FER1L6: variants seen among roughly 807,000 people sequenced by gnomAD.
The protein encoded by FER1L6 is fer-1 like family member 6.
A neutral mutation model predicts 219.2 loss-of-function variants in FER1L6; 177 were observed. That is an observed-to-expected ratio of 0.81 (90% CI 0.71 to 0.91). The LOEUF (loss-of-function observed/expected upper bound fraction) is 0.91. Ranked by LOEUF, FER1L6 falls within the 40% of genes least tolerant of loss-of-function variation. The pLI, the probability that FER1L6 is intolerant of heterozygous loss-of-function variation, is 0.00. For synonymous variants in FER1L6, 768 were observed against 824.3 expected, an observed-to-expected ratio of 0.93 and a Z score of 1.17; for missense variants, 2,153 against 2,259.9, an observed-to-expected ratio of 0.95 and a Z score of 0.96.
intron 1 of FER1L6, among the ~76,000 whole-genome samples, chr8:123,931,367 G>A (rs1007106): frequency 0.39 from 59,354 of 151,902 alleles, 12,223 homozygotes; most frequent in South Asian, 0.52. Flanking sequence ...ATCAAGGAGG[G>A]GTGTTTACTA....
At chr8:123,924,316 G>A (rs1311369189) in intron 1 of FER1L6, among the ~76,000 whole-genome samples, 2 of 151,794 alleles carry the variant, frequency 1.3e-5, no homozygotes, top group Non-Finnish European at 2.9e-5. Context: ...AGGCTGAGGT[G>A]GATCATCTGA....
intron 13 of FER1L6, 51 bp downstream of exon 13, chr8:124,003,398 T>G: frequency 6.9e-7 from 1 of 1,446,426 alleles, no homozygotes; most frequent in Non-Finnish European, 9.5e-7. Context: ...GGTGGAATTT[T>G]GTCCAGTTTC....
chr8:123,858,233 T>G (rs1229218017), intron 1 of FER1L6, among the ~76,000 whole-genome samples: 1 of 152,228 alleles, frequency 6.6e-6, no homozygotes, highest in Non-Finnish European at 1.5e-5. Flanking sequence ...GTTTGGCACC[T>G]CCTAGACAGT....
intron 37 of FER1L6, among the ~76,000 whole-genome samples, chr8:124,100,812 T>C (rs1822514750): frequency 6.6e-6 from 1 of 151,896 alleles, no homozygotes; most frequent in Non-Finnish European, 1.5e-5. Context: ...CACTTCCTAT[T>C]TCCTGAATTT....
At chr8:124,051,610 T>C (rs1360475303) in intron 22 of FER1L6, among the ~76,000 whole-genome samples, 1 of 152,316 alleles carries the variant, frequency 6.6e-6, no homozygotes, top group East Asian at 1.9e-4. Flanking sequence ...AATTCTACCA[T>C]GTATTTCAGG....
intron 12 of FER1L6, among the ~76,000 whole-genome samples, chr8:123,991,706 T>C (rs1343617535): frequency 6.6e-6 from 1 of 152,222 alleles, no homozygotes; most frequent in Non-Finnish European, 1.5e-5. Flanking sequence ...CTGATTGCTC[T>C]GGTTAGGACT....
chr8:123,888,963 A>G (rs573621132), intron 1 of FER1L6, among the ~76,000 whole-genome samples: 30 of 152,380 alleles, frequency 2.0e-4, no homozygotes, highest in African/African-American at 7.0e-4. Flanking sequence ...TTTACTAAAC[A>G]AGCTGGTTTT....
At chr8:123,929,320 G>A (rs761822594) in intron 1 of FER1L6, among the ~76,000 whole-genome samples, 9 of 152,154 alleles carry the variant, frequency 5.9e-5, no homozygotes, top group Non-Finnish European at 1.3e-4. Context: ...ATTTAGGTGG[G>A]GAAAGGAGAA....
chr8:124,010,831 A>AACACG, intron 14 of FER1L6, 117 bp downstream of exon 14: 1 of 1,398,082 alleles, frequency 7.2e-7, no homozygotes, highest in South Asian at 1.4e-5. Flanking sequence ...TAAATTGAGG[A>AACACG]TGCTGCATTT....
At chr8:123,938,677 G>C (rs1563695608) in intron 1 of FER1L6, among the ~76,000 whole-genome samples, 1 of 151,626 alleles carries the variant, frequency 6.6e-6, no homozygotes, top group East Asian at 1.9e-4. Flanking sequence ...CTCCTGAGTA[G>C]CTGGGACTAC....
chr8:124,036,778 T>G lies in FER1L6; in HGVS notation c.2464+1324T>G, dbSNP rs891033640. Among the ~76,000 whole-genome samples, 7 of 152,236 alleles carry G rather than the reference T, an allele frequency of 4.6e-5. No homozygotes were observed. The South Asian group carries it at 1.0e-3, about 23-fold the overall frequency. On this transcript the variant is annotated intron_variant, in intron 19 of 40. Coordinates refer to ENST00000522917, the MANE Select transcript of FER1L6 (RefSeq NM_001039112.2). ...AGAGGAAAGACTTTTCCTAGTGCTT[T>G]CTGATCCTCTGCAGTGTGTTTTCAT... is the stretch of plus-strand genomic sequence containing the variant.
intron 12 of FER1L6, among the ~76,000 whole-genome samples, chr8:123,998,048 G>A (rs1176457083): frequency 6.6e-6 from 1 of 152,136 alleles, no homozygotes; most frequent in Non-Finnish European, 1.5e-5. Flanking sequence ...TGTTTTCCTG[G>A]ATGGTCTTGA....
Position 124,020,041 on chromosome 8 carries a change from C to T in FER1L6, c.2014-1509C>T, listed in dbSNP as rs563500679. On this transcript the variant is annotated intron_variant, in intron 16 of 40. Coordinates refer to ENST00000522917, the MANE Select transcript of FER1L6 (RefSeq NM_001039112.2). ...TCTCACGTGTTGTGGGAGGGATCTG[C>T]TGGGAGGTAATTGAATCATGGGGGC... 5.3e-5 allele frequency among the ~76,000 whole-genome samples: 8 copies of T among 152,248 alleles called. No homozygotes were observed. The East Asian group carries it at 1.3e-3, about 26-fold the overall frequency.
At chr8:123,982,082 C>T (rs62518735) in intron 11 of FER1L6, among the ~76,000 whole-genome samples, 4,309 of 152,204 alleles carry the variant, frequency 0.028, 114 homozygotes, top group Middle Eastern at 0.085. Context: ...AAAACGTGTG[C>T]GCCAGTTTCT....
intron 37 of FER1L6, among the ~76,000 whole-genome samples, chr8:124,099,247 T>C (rs1369695993): frequency 6.6e-6 from 1 of 152,220 alleles, no homozygotes. Flanking sequence ...TTGTCACCTT[T>C]TAATTTTCAT....
At chr8:123,910,668 G>A (rs1161253398) in intron 1 of FER1L6, among the ~76,000 whole-genome samples, 1 of 111,876 alleles carries the variant, frequency 8.9e-6, no homozygotes. Flanking sequence ...GTGAAAAACA[G>A]AGGTCCTCCA....
At chr8:123,992,127 C>T (rs1816888414) in intron 12 of FER1L6, among the ~76,000 whole-genome samples, 4 of 152,044 alleles carry the variant, frequency 2.6e-5, no homozygotes, top group Admixed American at 2.6e-4. Flanking sequence ...ATTTTTGCAT[C>T]TGTGTTTATC....
chr8:124,003,184 A>G lies in FER1L6; in HGVS notation c.1537A>G (p.Ile513Val), dbSNP rs1240012720. The G allele has an allele frequency of 5.0e-6, 8 of 1,613,964 alleles. No individual in the cohort carries two copies. The highest frequency in any genetic ancestry group is 4.0e-5 in the African/African-American group (3 of 75,042). The change falls in exon 13 of 41, where the codon ATT becomes GTT. Residue 513 changes from isoleucine (I) to valine (V), a missense_variant. Coordinates refer to ENST00000522917, the MANE Select transcript of FER1L6 (RefSeq NM_001039112.2). ...EVSIGNFGNL[I>V]DGGSHHGSKK... is the part of the protein sequence containing the mutation. ...CTCTGCAGGTAATTTTGGAAACCTGATTGATGGAGGATCCCATCATGGGAG... is the reference window on the plus strand; with the variant it reads ...CTCTGCAGGTAATTTTGGAAACCTGGTTGATGGAGGATCCCATCATGGGAG...
chr8:124,016,818 T>G (rs1248485784), intron 15 of FER1L6, among the ~76,000 whole-genome samples: 1 of 152,214 alleles, frequency 6.6e-6, no homozygotes, highest in Non-Finnish European at 1.5e-5. Context: ...CTACAATACA[T>G]ATGATTATGT....
Sources: allele counts gnomAD v4.1 joint callset (sites outside exome capture counted in the v4.1 genomes callset), GRCh38; gene constraint gnomAD v4.1.1; transcripts MANE v1.5; gene names NCBI Gene and HGNC (gene_info 2026-07-23, HGNC 2026-07-21).